The following CDH2 variants were observed in gnomAD, a reference collection of about 807,000 sequenced individuals.
The protein encoded by CDH2 is cadherin-2.
Under a neutral mutation model 92.0 loss-of-function variants are expected in CDH2, and 17 were observed. The ratio of observed to expected loss-of-function variants is 0.18; its 90% CI spans 0.13 to 0.28. The LOEUF (loss-of-function observed/expected upper bound fraction) is 0.28. Among genes scored for constraint, CDH2 ranks in the 10% least tolerant of loss-of-function variants. CDH2 has a pLI of 1.00. For missense variants in CDH2, 862 were observed against 1,133.1 expected, an observed-to-expected ratio of 0.76 and a Z score of 3.44; for synonymous variants, 419 against 415.9, an observed-to-expected ratio of 1.01 and a Z score of -0.09.
intron 1 of CDH2, among the ~76,000 whole-genome samples, chr18:28,151,608 C>A (rs983956948): frequency 6.6e-6 from 1 of 152,134 alleles, no homozygotes; most frequent in African/African-American, 2.4e-5. Context: ...CATCCTGCAT[C>A]CCAGAAAGCC....
At chr18:28,034,261 G>GCGTATGTAAGA (rs1739607881) in intron 2 of CDH2, among the ~76,000 whole-genome samples, 2 of 151,982 alleles carry the variant, frequency 1.3e-5, no homozygotes, top group Non-Finnish European at 2.9e-5. Flanking sequence ...ATACGCTATA[G>GCGTATGTAAGA]TCTCAGATTT....
intron 2 of CDH2, among the ~76,000 whole-genome samples, chr18:28,082,786 T>C (rs937645250): frequency 2.0e-5 from 3 of 152,036 alleles, no homozygotes; most frequent in Non-Finnish European, 2.9e-5. Context: ...TTGGGAGACA[T>C]GGAAAAAGAA....
intron 14 of CDH2, among the ~76,000 whole-genome samples, chr18:27,969,011 CAAGT>C (rs1239119773): frequency 6.6e-6 from 1 of 152,116 alleles, no homozygotes; most frequent in Admixed American, 6.5e-5. Flanking sequence ...CAACTGCTGA[CAAGT>C]AAGTCAAATA....
intron 2 of CDH2, among the ~76,000 whole-genome samples, chr18:28,024,417 CTAT>C (rs1255242797): frequency 2.0e-5 from 3 of 150,250 alleles, no homozygotes; most frequent in Non-Finnish European, 3.0e-5. Flanking sequence ...TCTAGAAAAT[CTAT>C]TTGTTAATAA....
At chr18:28,043,484 A>ATT in intron 2 of CDH2, among the ~76,000 whole-genome samples, 1 of 76,436 alleles carries the variant, frequency 1.3e-5, no homozygotes, top group East Asian at 5.0e-4. Flanking sequence ...ATATATATAT[A>ATT]TATATATATA....
intron 2 of CDH2, among the ~76,000 whole-genome samples, chr18:28,120,695 A>C (rs2015573180): frequency 6.6e-6 from 1 of 152,098 alleles, no homozygotes; most frequent in South Asian, 2.1e-4. Flanking sequence ...AGTCAGAGAG[A>C]AAACCTATGG....
intron 2 of CDH2, among the ~76,000 whole-genome samples, chr18:28,055,485 T>G (rs1599066356): frequency 6.6e-6 from 1 of 152,122 alleles, no homozygotes; most frequent in Non-Finnish European, 1.5e-5. Flanking sequence ...GAAAGAGTGA[T>G]AGTGTAAAGG....
In CDH2 at chr18:27,985,166, T is replaced by C; in HGVS notation, c.2043A>G (p.Ile681Met). Reference protein sequence around the residue: ...LEAGIYEVPIIITDSGNPPKS... With the variant: ...LEAGIYEVPIMITDSGNPPKS... ...TGGGAGGATTACCCGAATCTGTGAT[T>C]ATGATGGGAACTTCATAGATACCAG... Residue 681 changes from isoleucine (I) to methionine (M), a missense_variant, in exon 13 of 16, where the codon ATA (isoleucine) becomes ATG (methionine). Coordinates refer to ENST00000269141, the MANE Select transcript of CDH2 (RefSeq NM_001792.5). 3.7e-6 allele frequency: 6 copies of C among 1,613,970 alleles called. No homozygotes were observed. Among genetic ancestry groups the C allele is most frequent in the Non-Finnish European group, 5.1e-6 (6 of 1,179,830 alleles).
intron 2 of CDH2, among the ~76,000 whole-genome samples, chr18:28,039,864 CATTTAT>C (rs2013914801): frequency 6.6e-6 from 1 of 152,100 alleles, no homozygotes; most frequent in Admixed American, 6.6e-5. Flanking sequence ...GGTTGGTCAA[CATTTAT>C]GGCTCAAGAA....
chr18:28,104,946 C>T (rs1378668058), intron 2 of CDH2, among the ~76,000 whole-genome samples: 1 of 151,890 alleles, frequency 6.6e-6, no homozygotes, highest in Non-Finnish European at 1.5e-5. Flanking sequence ...AAGTTCACTC[C>T]TGTCTAGCTT....
intron 2 of CDH2, among the ~76,000 whole-genome samples, chr18:28,048,605 G>T (rs990976886): frequency 2.0e-5 from 3 of 152,158 alleles, no homozygotes; most frequent in African/African-American, 7.2e-5. Context: ...GGACTACAAT[G>T]CTATTCAAAA....
intron 2 of CDH2, among the ~76,000 whole-genome samples, chr18:28,107,374 G>T (rs1449511577): frequency 6.6e-6 from 1 of 152,076 alleles, no homozygotes; most frequent in African/African-American, 2.4e-5. Flanking sequence ...AGAATATGGA[G>T]TGTATGACGG....
chr18:27,960,721 G>A (rs1405153426), intron 15 of CDH2, among the ~76,000 whole-genome samples: 1 of 152,192 alleles, frequency 6.6e-6, no homozygotes. Flanking sequence ...CTTACATTGA[G>A]CTCAAGATGG....
At chr18:27,965,434 A>G (rs2011510718) in intron 14 of CDH2, among the ~76,000 whole-genome samples, 1 of 152,214 alleles carries the variant, frequency 6.6e-6, no homozygotes, top group South Asian at 2.1e-4. Flanking sequence ...TTCAGGGGGA[A>G]ATCAGCTTTA....
At chr18:27,953,187 C>G (rs1232615762) in intron 15 of CDH2, among the ~76,000 whole-genome samples, 1 of 152,034 alleles carries the variant, frequency 6.6e-6, no homozygotes, top group Non-Finnish European at 1.5e-5. Flanking sequence ...AAGAGGAGGA[C>G]TCCTGTCAAT....
chr18:28,159,465 G>C (rs996434121), intron 1 of CDH2, among the ~76,000 whole-genome samples: 4 of 152,048 alleles, frequency 2.6e-5, no homozygotes, highest in Admixed American at 2.0e-4. Context: ...CATTTCCCTC[G>C]GTTCAGAATT....
intron 6 of CDH2, among the ~76,000 whole-genome samples, chr18:27,935,068 G>C (rs148888053): frequency 4.9e-4 from 74 of 152,190 alleles, no homozygotes; most frequent in African/African-American, 1.6e-3. Context: ...GTATTATGCT[G>C]TTCCCTTTGT....
chr18:28,017,634 T>C (rs1005876716), intron 2 of CDH2, among the ~76,000 whole-genome samples: 1 of 152,182 alleles, frequency 6.6e-6, no homozygotes, highest in Non-Finnish European at 1.5e-5. Context: ...ACCTTGGTTA[T>C]TTCTTTTCTT....
intron 2 of CDH2, among the ~76,000 whole-genome samples, chr18:28,113,114 G>C (rs1196275426): frequency 6.6e-6 from 1 of 152,100 alleles, no homozygotes; most frequent in African/African-American, 2.4e-5. Flanking sequence ...ATAGTGCAAA[G>C]CATCTATATA....
Sources: allele counts gnomAD v4.1 joint callset (sites outside exome capture counted in the v4.1 genomes callset), GRCh38; gene constraint gnomAD v4.1.1; transcripts MANE v1.5; gene names NCBI Gene and HGNC (gene_info 2026-07-23, HGNC 2026-07-21).